Variants in NREP observed in about 807,000 individuals in gnomAD.
NREP encodes the protein neuronal regeneration-related protein.
A neutral mutation model predicts 8.6 loss-of-function variants in NREP; 5 were observed. The observed-to-expected ratio is 0.58, with a 90% CI of 0.30 to 1.22. NREP has a LOEUF of 1.22. Among genes scored for constraint, NREP ranks in the 50% most tolerant of loss-of-function variants. NREP has a pLI of 0.07. For missense variants in NREP, 86 were observed against 82.5 expected, an observed-to-expected ratio of 1.04 and a Z score of -0.17; for synonymous variants, 27 against 28.0, an observed-to-expected ratio of 0.96 and a Z score of 0.11.
rs1023005963 is a variant in NREP at position 111,888,906 on chromosome 5, A to G, written c.135+86368T>C. Among the ~76,000 whole-genome samples the G allele has an allele frequency of 8.5e-5, 13 of 152,228 alleles. 1 individual carries two copies. The highest frequency in any genetic ancestry group is 2.7e-4 in the African/African-American group (11 of 41,458). On this transcript the variant is annotated intron_variant, in intron 2 of 3. Transcript: ENST00000395634. The stretch of plus-strand genomic sequence containing the variant: ...GAGCAAATATGTAACTGCAAAGAGA[A>G]CAAGAGTGGGGTTGTGATCATCAGT...
chr5:111,735,254 A>G, intron 3 of NREP, 176 bp downstream of exon 3: 1 of 487,104 alleles, frequency 2.1e-6, no homozygotes, highest in Non-Finnish European at 3.7e-6. Flanking sequence ...ACTTTAAGTC[A>G]TAGGACTTTA....
At chr5:111,800,065 GCC>G (rs1751966486) in intron 2 of NREP, among the ~76,000 whole-genome samples, 1 of 148,778 alleles carries the variant, frequency 6.7e-6, no homozygotes, top group Non-Finnish European at 1.5e-5. Flanking sequence ...GACTATAGGT[GCC>G]CACCACCACG....
At chr5:111,930,443 A>G (rs1561352589) in intron 2 of NREP, among the ~76,000 whole-genome samples, 2 of 152,148 alleles carry the variant, frequency 1.3e-5, no homozygotes, top group Non-Finnish European at 2.9e-5. Flanking sequence ...TTAAAAATGT[A>G]TTTTATGATT....
At chr5:111,904,225 G>C (rs2112553057) in intron 2 of NREP, among the ~76,000 whole-genome samples, 1 of 152,122 alleles carries the variant, frequency 6.6e-6, no homozygotes, top group South Asian at 2.1e-4. Flanking sequence ...TTTAACTAAA[G>C]TCCATAGTTT....
chr5:111,819,017 C>T (rs1214849119), intron 2 of NREP, among the ~76,000 whole-genome samples: 1 of 152,160 alleles, frequency 6.6e-6, no homozygotes, highest in African/African-American at 2.4e-5. Context: ...CCAAGTTTCT[C>T]TTCAAAGAAT....
At chr5:111,871,883 TCG>T in intron 2 of NREP, among the ~76,000 whole-genome samples, 1 of 148,754 alleles carries the variant, frequency 6.7e-6, no homozygotes, top group African/African-American at 2.5e-5. Context: ...TATGAAAATC[TCG>T]TTCTATATAG....
intron 2 of NREP, among the ~76,000 whole-genome samples, chr5:111,817,879 C>CA (rs936566878): frequency 6.9e-6 from 1 of 145,952 alleles, no homozygotes; most frequent in Non-Finnish European, 1.5e-5. Flanking sequence ...TATTAGAATA[C>CA]AAAAAATATT....
At chr5:111,973,174 T>C (rs1581264423) in intron 2 of NREP, among the ~76,000 whole-genome samples, 1 of 152,292 alleles carries the variant, frequency 6.6e-6, no homozygotes, top group African/African-American at 2.4e-5. Flanking sequence ...CTCAAAAATA[T>C]AGCCCTCAGC....
chr5:111,919,641 A>G (rs970720835), intron 2 of NREP, among the ~76,000 whole-genome samples: 1 of 152,096 alleles, frequency 6.6e-6, no homozygotes, highest in Non-Finnish European at 1.5e-5. Flanking sequence ...CAAACACCAC[A>G]TGTTCTCACT....
exon 1 of NREP, chr5:111,976,759 G>A (rs1289319203): frequency 1.9e-6 from 3 of 1,549,980 alleles, no homozygotes; most frequent in Non-Finnish European, 2.6e-6. Context: ...GTTACTGCTT[G>A]AGGATAAAGT....
intron 2 of NREP, among the ~76,000 whole-genome samples, chr5:111,803,424 A>G (rs566384582): frequency 2.0e-5 from 3 of 152,350 alleles, no homozygotes; most frequent in East Asian, 3.9e-4. Context: ...TTCACTAGAC[A>G]GCAAGTTGCT....
At chr5:111,792,815 T>C (rs1427615490) in intron 2 of NREP, among the ~76,000 whole-genome samples, 7 of 152,240 alleles carry the variant, frequency 4.6e-5, no homozygotes, top group African/African-American at 7.2e-5. Context: ...GATTCAACCA[T>C]GACTTAGCTT....
intron 2 of NREP, among the ~76,000 whole-genome samples, chr5:111,843,472 G>A (rs1753083045): frequency 6.6e-6 from 1 of 151,908 alleles, no homozygotes; most frequent in Non-Finnish European, 1.5e-5. Flanking sequence ...TTGTCTATAT[G>A]TGTTCTCTTG....
At chr5:111,903,106 C>T (rs1339941655) in intron 2 of NREP, among the ~76,000 whole-genome samples, 1 of 118,914 alleles carries the variant, frequency 8.4e-6, no homozygotes, top group Non-Finnish European at 1.6e-5. Context: ...TTTTTTGAGA[C>T]AGAGTCTCAC....
chr5:111,943,640 C>A (rs1252910637), intron 2 of NREP, among the ~76,000 whole-genome samples: 4 of 152,058 alleles, frequency 2.6e-5, no homozygotes, highest in African/African-American at 9.7e-5. Flanking sequence ...TGAGGAAATA[C>A]CCCTACCTCA....
At chr5:111,815,396 G>C (rs1306738733) in intron 2 of NREP, among the ~76,000 whole-genome samples, 1 of 151,978 alleles carries the variant, frequency 6.6e-6, no homozygotes, top group African/African-American at 2.4e-5. Context: ...TCTCTGATGA[G>C]GTATAAAACT....
intron 2 of NREP, among the ~76,000 whole-genome samples, chr5:111,773,871 T>C (rs1751294437): frequency 6.6e-6 from 1 of 152,130 alleles, no homozygotes; most frequent in Non-Finnish European, 1.5e-5. Context: ...AGAGAAATCT[T>C]GCGGGGCTTA....
intron 3 of NREP, chr5:111,733,758 C>A (rs1294517382): frequency 2.0e-5 from 3 of 152,142 alleles, no homozygotes; most frequent in Non-Finnish European, 2.9e-5. Context: ...GGTTGGGGGG[C>A]AGATGTGTCC....
At chr5:111,915,043 C>A (rs1368039285) in intron 2 of NREP, among the ~76,000 whole-genome samples, 1 of 152,074 alleles carries the variant, frequency 6.6e-6, no homozygotes, top group African/African-American at 2.4e-5. Flanking sequence ...CTCTGAATCC[C>A]TTTGACTATT....
Sources: gnomAD v4.1 joint callset for allele counts (sites outside exome capture counted in the v4.1 genomes callset) on GRCh38, gnomAD v4.1.1 for gene constraint, MANE v1.5 for transcripts, NCBI Gene and HGNC (gene_info 2026-07-23, HGNC 2026-07-21) for gene names.